ARHGAP15: variants seen among roughly 807,000 people sequenced by gnomAD.
The protein encoded by ARHGAP15 is Rho GTPase activating protein 15.
ARHGAP15 carries 51 observed loss-of-function variants against 63.7 expected under a neutral mutation model. The ratio of observed to expected loss-of-function variants is 0.80; its 90% CI spans 0.64 to 1.01. The LOEUF (loss-of-function observed/expected upper bound fraction) is 1.01. Ranked by LOEUF, ARHGAP15 falls within the 50% of genes least tolerant of loss-of-function variation. The pLI, the probability that ARHGAP15 is intolerant of heterozygous loss-of-function variation, is 0.00. For synonymous variants in ARHGAP15, 191 were observed against 193.8 expected (o/e 0.99, Z 0.12); for missense variants, 560 against 564.6 (o/e 0.99, Z 0.08).
intron 12 of ARHGAP15, among the ~76,000 whole-genome samples, chr2:143,703,092 C>T (rs1388217877): frequency 6.6e-6 from 1 of 152,182 alleles, no homozygotes; most frequent in African/African-American, 2.4e-5. Context: ...GTCAAAGTCA[C>T]ATTGTTGTTG....
At chr2:143,421,798 ATATG>A (rs1201284223) in intron 6 of ARHGAP15, among the ~76,000 whole-genome samples, 55 of 15,144 alleles carry the variant, frequency 3.6e-3, no homozygotes, top group Admixed American at 0.022. Flanking sequence ...ATATATATAT[ATATG>A]TGTGTGTTTC....
chr2:143,388,549 G>A (rs1687398872), intron 6 of ARHGAP15, among the ~76,000 whole-genome samples: 2 of 152,244 alleles, frequency 1.3e-5, no homozygotes, highest in Middle Eastern at 3.4e-3. Flanking sequence ...TAAGAGTGTT[G>A]CCAACTAAAT....
At chr2:143,173,171 TA>T (rs1231102453) in intron 2 of ARHGAP15, among the ~76,000 whole-genome samples, 3 of 152,072 alleles carry the variant, frequency 2.0e-5, no homozygotes, top group African/African-American at 7.2e-5. Context: ...TCAAAACTAG[TA>T]GATGTAAATA....
intron 12 of ARHGAP15, among the ~76,000 whole-genome samples, chr2:143,642,399 T>C (rs1680647074): frequency 6.6e-6 from 1 of 152,092 alleles, no homozygotes; most frequent in Non-Finnish European, 1.5e-5. Flanking sequence ...CCCAGGTAGA[T>C]GTTGATTCAT....
chr2:143,392,961 A>G (rs117163313), intron 6 of ARHGAP15, among the ~76,000 whole-genome samples: 2 of 152,292 alleles, frequency 1.3e-5, no homozygotes, highest in East Asian at 3.9e-4. Context: ...AATACAGAGT[A>G]TATGTTAAGT....
At chr2:143,459,095 T>C (rs1049250715) in intron 8 of ARHGAP15, among the ~76,000 whole-genome samples, 3 of 152,174 alleles carry the variant, frequency 2.0e-5, no homozygotes, top group Admixed American at 1.3e-4. Context: ...AGGTTGCTAG[T>C]GGCTTCAATT....
chr2:143,321,920 C>T (rs1481515349), intron 6 of ARHGAP15, among the ~76,000 whole-genome samples: 1 of 152,180 alleles, frequency 6.6e-6, no homozygotes. Flanking sequence ...TCAAGCAATC[C>T]TCCTGCCTTG....
chr2:143,202,988 C>T (rs1574085637), intron 3 of ARHGAP15, among the ~76,000 whole-genome samples: 1 of 152,030 alleles, frequency 6.6e-6, no homozygotes, highest in Admixed American at 6.6e-5. Flanking sequence ...TTTTAATGAC[C>T]TCTTTTTTGA....
intron 8 of ARHGAP15, among the ~76,000 whole-genome samples, chr2:143,448,504 A>T (rs1690250156): frequency 1.3e-5 from 2 of 152,082 alleles, no homozygotes; most frequent in Admixed American, 6.6e-5. Context: ...ACCATGTACC[A>T]TATGCTGCAG....
chr2:143,749,467 A>G lies in ARHGAP15; in HGVS notation c.1245-18522A>G, dbSNP rs544667212. Among the ~76,000 whole-genome samples, 100 of 152,328 alleles carry G rather than the reference A, an allele frequency of 6.6e-4. 1 individual carries two copies. The highest frequency in any genetic ancestry group is 2.4e-3 in the African/African-American group (98 of 41,570). On this transcript the variant is annotated intron_variant, in intron 13 of 13. Transcript: ENST00000295095. Reference sequence around the variant, plus strand: ...ATGCCACATTAAGTCAGCATGTTCAAGATAGGGGAACAGTAGGTAACAGTT... The same window carrying G: ...ATGCCACATTAAGTCAGCATGTTCAGGATAGGGGAACAGTAGGTAACAGTT...
intron 10 of ARHGAP15, among the ~76,000 whole-genome samples, chr2:143,539,699 T>A (rs1409735314): frequency 3.3e-5 from 5 of 152,184 alleles, no homozygotes; most frequent in Middle Eastern, 3.4e-3. Context: ...TTTGAGTGAG[T>A]TTCTTAATCC....
At chr2:143,744,802 G>A (rs1686100032) in intron 13 of ARHGAP15, among the ~76,000 whole-genome samples, 1 of 152,154 alleles carries the variant, frequency 6.6e-6, no homozygotes, top group Non-Finnish European at 1.5e-5. Context: ...GGAAAGGCCT[G>A]ATCTTTTCAT....
chr2:143,499,017 T>C (rs1692938642), intron 9 of ARHGAP15, among the ~76,000 whole-genome samples: 1 of 152,144 alleles, frequency 6.6e-6, no homozygotes, highest in Non-Finnish European at 1.5e-5. Context: ...CATTAAAAAA[T>C]ATTACCCACA....
chr2:143,730,929 C>CT (rs1191514139), intron 13 of ARHGAP15, among the ~76,000 whole-genome samples: 2 of 87,318 alleles, frequency 2.3e-5, no homozygotes, highest in African/African-American at 1.1e-4. Flanking sequence ...GGGAAAAAGG[C>CT]TTTTTTTTTT....
chr2:143,470,070 T>G (rs1176983199), intron 8 of ARHGAP15, among the ~76,000 whole-genome samples: 1 of 152,154 alleles, frequency 6.6e-6, no homozygotes, highest in Non-Finnish European at 1.5e-5. Flanking sequence ...TTACAATGTT[T>G]TCCTTTGTCT....
chr2:143,713,724 G>C (rs1374345064), intron 13 of ARHGAP15, among the ~76,000 whole-genome samples: 1 of 152,144 alleles, frequency 6.6e-6, no homozygotes, highest in African/African-American at 2.4e-5. Flanking sequence ...AAACAAAGGG[G>C]TTACAGGCCC....
At position 143,568,750 on chromosome 2, in the gene ARHGAP15, C is replaced by G. The variant is rs567782979; in HGVS notation, c.1003+12265C>G. 5.7e-4 allele frequency among the ~76,000 whole-genome samples: 87 copies of G among 152,300 alleles called. 2 individuals are homozygous for G. In the South Asian group the frequency reaches 0.018, roughly 31 times the overall value. On this transcript the variant is annotated intron_variant, in intron 11 of 13. Coordinates refer to ENST00000295095, the MANE Select transcript of ARHGAP15 (RefSeq NM_018460.4). ...GCAGCACTATTCACAATAGCAAAGA[C>G]TTGGAACCAAGCCAGATGTCCATCA...
In ARHGAP15 at chr2:143,286,949, T is replaced by C. The variant is rs191243068; in HGVS notation, c.474+36349T>C. ...GGGATCACCCTTAGTATATGGACTG[T>C]TGTTGGCCAAAACATTGTTATGTGG... On this transcript the variant is annotated intron_variant, in intron 6 of 13. Transcript: ENST00000295095. Among the ~76,000 whole-genome samples the C allele has an allele frequency of 3.6e-4, 55 of 152,238 alleles. 1 individual carries two copies. The highest frequency in any genetic ancestry group is 2.9e-3 in the Admixed American group (45 of 15,294).
At chr2:143,632,984 A>G (rs1198898671) in intron 12 of ARHGAP15, among the ~76,000 whole-genome samples, 1 of 152,212 alleles carries the variant, frequency 6.6e-6, no homozygotes, top group Non-Finnish European at 1.5e-5. Context: ...CCTTAAAACC[A>G]GAGAAAGAGC....
Sources: gnomAD v4.1 joint callset for allele counts (sites outside exome capture counted in the v4.1 genomes callset) on GRCh38, gnomAD v4.1.1 for gene constraint, MANE v1.5 for transcripts, NCBI Gene and HGNC (gene_info 2026-07-23, HGNC 2026-07-21) for gene names.